LCTL: variants seen among roughly 807,000 people sequenced by gnomAD.
LCTL encodes lactase like.
A neutral mutation model predicts 75.8 loss-of-function variants in LCTL; 76 were observed. The observed-to-expected ratio is 1.00, with a 90% CI of 0.83 to 1.21. The LOEUF (loss-of-function observed/expected upper bound fraction) is 1.21. Among genes scored for constraint, LCTL ranks in the 50% most tolerant of loss-of-function variants. The pLI is 0.00. For synonymous variants in LCTL, 271 were observed against 268.8 expected, an observed-to-expected ratio of 1.01 and a Z score of -0.08; for missense variants, 670 against 712.4, an observed-to-expected ratio of 0.94 and a Z score of 0.68.
In LCTL at chr15:66,561,638, G is replaced by A. The variant is rs534196054; in HGVS notation, c.481-323C>T. Among the ~76,000 whole-genome samples, 84 of 152,242 alleles carry A rather than the reference G, an allele frequency of 5.5e-4. 2 individuals are homozygous for A. The South Asian group carries it at 0.017, about 31-fold the overall frequency. On this transcript the variant is annotated intron_variant, in intron 4 of 12. Coordinates refer to ENST00000341509, the Ensembl canonical transcript of LCTL. ...CCTTGGGACAGAGTCTGCCTTCTTCGGCAGAGGGCTTTCCCAACCAAAGAC... is the reference window on the plus strand; with the variant it reads ...CCTTGGGACAGAGTCTGCCTTCTTCAGCAGAGGGCTTTCCCAACCAAAGAC...
At chr15:66,559,724 C>T (rs1057307328) in intron 6 of LCTL, among the ~76,000 whole-genome samples, 13 of 151,904 alleles carry the variant, frequency 8.6e-5, no homozygotes, top group African/African-American at 2.9e-4. Flanking sequence ...AATAAATAAT[C>T]GCGTCTCTTC....
At chr15:66,551,543 G>GCATGCC in intron 11 of LCTL, 119 bp downstream of exon 12, 3 of 758,800 alleles carry the variant, frequency 4.0e-6, no homozygotes, top group Non-Finnish European at 6.6e-6. Context: ...GGGCCATGCC[G>GCATGCC]CATGCCCCGT....
intron 3 of LCTL, 95 bp from the exon 5 acceptor site, chr15:66,563,720 G>C (rs1011830473): frequency 1.0e-6 from 1 of 989,690 alleles, no homozygotes; most frequent in African/African-American, 1.6e-5. Context: ...GTTGCTTTTT[G>C]AAGGCCTGAG....
intron 4 of LCTL, among the ~76,000 whole-genome samples, chr15:66,561,629 G>A (rs748393455): frequency 1.2e-4 from 19 of 152,334 alleles, no homozygotes; most frequent in Admixed American, 4.6e-4. Flanking sequence ...GACAGAGTCT[G>A]CCTTCTTCGG....
Position 66,550,793 on chromosome 15 carries a change from TAC to T in LCTL, c.1525-691_1525-690del, listed in dbSNP as rs1486031875. On this transcript the variant is annotated intron_variant, in intron 11 of 12. Coordinates refer to ENST00000341509, the Ensembl canonical transcript of LCTL. ...CGTACCTGGCCAAGACACTCGAGAT[TAC>T]AGTTTATATTCCCTACCAATAGGTG... Among the ~76,000 whole-genome samples the T allele has an allele frequency of 2.0e-5, 3 of 152,174 alleles. No individual in the cohort carries two copies. The East Asian group carries it at 5.8e-4, about 29-fold the overall frequency.
rs989615281 is a variant in LCTL at position 66,563,861 on chromosome 15, A to G, written c.370+50T>C. The G allele has an allele frequency of 5.5e-6, 8 of 1,449,138 alleles. No homozygotes were observed. In the Admixed American group the frequency reaches 6.7e-5, roughly 12 times the overall value. 89.8% of individuals were successfully genotyped at this position (1,449,138 alleles called of 1,614,324 possible). ...TCTGTGGTGCCCCTGCAAAGCCAAC[A>G]TTGCCGGAAGGGGCCTCACTTGGGT... is the stretch of plus-strand genomic sequence containing the variant. On this transcript the variant is annotated intron_variant, in intron 3 of 12. Transcript: ENST00000341509.
chr15:66,551,547 G>T, intron 11 of LCTL, 115 bp downstream of exon 12: 1 of 789,176 alleles, frequency 1.3e-6, no homozygotes, highest in East Asian at 2.4e-5. Flanking sequence ...CATGCCGCAT[G>T]CCCCGTCCTC....
At chr15:66,565,124 A>G in intron 1 of LCTL, 124 bp downstream of exon 2, 1 of 758,826 alleles carries the variant, frequency 1.3e-6, no homozygotes, top group South Asian at 1.5e-5. Flanking sequence ...TAGAACAACC[A>G]CACAAAGGTA....
chr15:66,561,441 G>T, intron 4 of LCTL, 126 bp from the exon 6 acceptor site: 1 of 1,044,952 alleles, frequency 9.6e-7, no homozygotes, highest in Non-Finnish European at 1.4e-6. Context: ...GGACTCTCAT[G>T]CCTAGAAAGA....
intron 8 of LCTL, among the ~76,000 whole-genome samples, chr15:66,557,068 C>A (rs2140843230): frequency 6.6e-6 from 1 of 152,138 alleles, no homozygotes; most frequent in South Asian, 2.1e-4. Context: ...CATCTTGTGG[C>A]CATGGGGATT....
chr15:66,554,903 G>GGGGA (rs1404927055), intron 8 of LCTL, among the ~76,000 whole-genome samples: 9 of 152,138 alleles, frequency 5.9e-5, no homozygotes, highest in Admixed American at 4.6e-4. Flanking sequence ...ACTTGCTTCT[G>GGGGA]GGGAGGGAGA....
chr15:66,550,479 CTATTT>C (rs1309259902), intron 11 of LCTL, among the ~76,000 whole-genome samples: 2 of 152,098 alleles, frequency 1.3e-5, no homozygotes, highest in Admixed American at 6.6e-5. Flanking sequence ...TTAAGACACT[CTATTT>C]TATTTCATTT....
intron 10 of LCTL, 52 bp from the exon 12 acceptor site, chr15:66,551,913 TA>T (rs1312071200): frequency 6.5e-7 from 1 of 1,539,108 alleles, no homozygotes; most frequent in African/African-American, 1.4e-5. Context: ...CTTAGAAAAA[TA>T]AAACTGAAGA....
chr15:66,557,546 CTAGGG>C (rs1233447100), intron 8 of LCTL, among the ~76,000 whole-genome samples, 171 bp downstream of exon 9: 1 of 152,058 alleles, frequency 6.6e-6, no homozygotes, highest in African/African-American at 2.4e-5. Flanking sequence ...ATTGAGAGGT[CTAGGG>C]TTCCTCCCTG....
rs200110877 is a variant in LCTL at position 66,552,090 on chromosome 15, T to C, written c.1277A>G (p.Glu426Gly). ...TCCTTTAAGGTATTGAATTCTCCAC[T>C]CATCACATAATTGAGTACAGTGGAA... The change falls in exon 10 of 13, where the codon GAG (glutamate) becomes GGG (glycine). Residue 426 changes from glutamate (E) to glycine (G), a missense_variant. Coordinates refer to ENST00000341509, the Ensembl canonical transcript of LCTL. 35 of 1,613,110 alleles carry C rather than the reference T, an allele frequency of 2.2e-5. 1 individual carries two copies. In the Admixed American group the frequency reaches 4.8e-4, roughly 22 times the overall value.
At chr15:66,558,028 G>T (rs531651641) in exon 7 of LCTL, 2 of 1,604,274 alleles carry the variant, frequency 1.2e-6, no homozygotes, top group Admixed American at 1.7e-5. Flanking sequence ...GCCAGGCTTT[G>T]GCGTGGGCCT....
At chr15:66,554,436 G>A (rs1210892617) in intron 8 of LCTL, among the ~76,000 whole-genome samples, 1 of 152,114 alleles carries the variant, frequency 6.6e-6, no homozygotes, top group Non-Finnish European at 1.5e-5. Flanking sequence ...TCCAGCCTGG[G>A]CAACAAGAGC....
At chr15:66,562,562 T>C (rs906918376) in intron 4 of LCTL, among the ~76,000 whole-genome samples, 8 of 152,076 alleles carry the variant, frequency 5.3e-5, no homozygotes, top group Non-Finnish European at 1.0e-4. Flanking sequence ...AAGGCTAAAC[T>C]TGTTCATTAT....
chr15:66,553,037 T>C, exon 9 of LCTL: 1 of 1,572,498 alleles, frequency 6.4e-7, no homozygotes, highest in Non-Finnish European at 8.6e-7. Flanking sequence ...TATAGCCATT[T>C]AGACCCCAGA....
Sources: allele counts gnomAD v4.1 joint callset (sites outside exome capture counted in the v4.1 genomes callset), GRCh38; gene constraint gnomAD v4.1.1; transcripts MANE v1.5; gene names NCBI Gene and HGNC (gene_info 2026-07-23, HGNC 2026-07-21).